TLL2: variants seen among roughly 807,000 people sequenced by gnomAD.
TLL2 encodes tolloid like 2.
A neutral mutation model predicts 123.0 loss-of-function variants in TLL2; 106 were observed. The ratio of observed to expected loss-of-function variants is 0.86; its 90% CI spans 0.74 to 1.01. The LOEUF (loss-of-function observed/expected upper bound fraction) is 1.01, where lower values mean the gene tolerates loss of function less well. Among genes scored for constraint, TLL2 ranks in the 50% least tolerant of loss-of-function variants. The pLI is 0.00. For synonymous variants in TLL2, 494 were observed against 516.8 expected (o/e 0.96, Z 0.60); for missense variants, 1,332 against 1,336.7 (o/e 1.00, Z 0.06).
chr10:96,433,403 T>C (rs966917690), intron 3 of TLL2, among the ~76,000 whole-genome samples: 1 of 152,190 alleles, frequency 6.6e-6, no homozygotes, highest in South Asian at 2.1e-4. Context: ...TGAACCTGTC[T>C]GTGAAACTGG....
chr10:96,376,855 G>T (rs376779370), intron 17 of TLL2, 36 bp from the exon 18 acceptor site: 2 of 1,487,832 alleles, frequency 1.3e-6, no homozygotes, highest in Middle Eastern at 1.9e-4. Flanking sequence ...AAAGAGAGAA[G>T]TCATTCACTG....
chr10:96,419,097 C>T (rs1020905780), intron 7 of TLL2, among the ~76,000 whole-genome samples: 1 of 152,112 alleles, frequency 6.6e-6, no homozygotes, highest in Non-Finnish European at 1.5e-5. Context: ...CATTGCCTCC[C>T]CCTTGGATAT....
In TLL2 at chr10:96,513,890, C is replaced by A; in HGVS notation, c.-205G>T. 1 of 553,232 alleles carries A rather than the reference C, an allele frequency of 1.8e-6. No individual in the cohort carries two copies. 34.3% of individuals were successfully genotyped at this position (553,232 alleles called of 1,614,324 possible). On this transcript the variant is annotated 5_prime_UTR_variant, in exon 1 of 21. Coordinates refer to ENST00000357947, the MANE Select transcript of TLL2 (RefSeq NM_012465.4). ...ACCGGGAAGCAGCCGCTCGGAGCTA[C>A]TTGCCCGGCGGCCGAGGCTGCGGCG...
intron 2 of TLL2, among the ~76,000 whole-genome samples, chr10:96,451,971 A>C (rs1268913630): frequency 1.3e-5 from 2 of 152,206 alleles, no homozygotes; most frequent in Non-Finnish European, 2.9e-5. Context: ...GCAGTGCTTT[A>C]CTTTAAGAAA....
chr10:96,513,407 G>C, intron 1 of TLL2, 104 bp downstream of exon 1: 6 of 1,447,882 alleles, frequency 4.1e-6, no homozygotes, highest in Non-Finnish European at 5.6e-6. Flanking sequence ...CTCAGGGGAG[G>C]GGAGGGGAGA....
At position 96,505,863 on chromosome 10, in the gene TLL2, G is replaced by A. The variant is rs527438499; in HGVS notation, c.175+7648C>T. 8.9e-4 allele frequency among the ~76,000 whole-genome samples: 136 copies of A among 152,252 alleles called. 1 individual carries two copies. Among genetic ancestry groups the A allele is most frequent in the African/African-American group, 3.2e-3 (134 of 41,552 alleles). On this transcript the variant is annotated intron_variant, in intron 1 of 20. Coordinates refer to ENST00000357947, the MANE Select transcript of TLL2 (RefSeq NM_012465.4). Reference sequence around the variant, plus strand: ...TGGTACCAAGTGCCTTCATATACAAGCCTGTTAATCAGAGTTTCTATTAAC... The same window carrying A: ...TGGTACCAAGTGCCTTCATATACAAACCTGTTAATCAGAGTTTCTATTAAC...
chr10:96,470,739 C>G (rs114061265), intron 2 of TLL2, among the ~76,000 whole-genome samples: 2,147 of 152,322 alleles, frequency 0.014, 55 homozygotes, highest in African/African-American at 0.048. Context: ...TGTATGCTCA[C>G]CAACAGCTTA....
chr10:96,397,143 C>A, intron 11 of TLL2, 43 bp downstream of exon 11: 1 of 1,553,630 alleles, frequency 6.4e-7, no homozygotes, highest in African/African-American at 1.4e-5. Context: ...AAGGACAGAG[C>A]TTATGAGGGG....
At chr10:96,474,096 C>A (rs965872433) in intron 2 of TLL2, among the ~76,000 whole-genome samples, 2 of 152,154 alleles carry the variant, frequency 1.3e-5, no homozygotes, top group Admixed American at 1.3e-4. Flanking sequence ...AATTCAAGGG[C>A]CCCATTCATA....
intron 1 of TLL2, among the ~76,000 whole-genome samples, chr10:96,504,918 G>GA (rs1244140788): frequency 6.6e-6 from 1 of 152,256 alleles, no homozygotes; most frequent in African/African-American, 2.4e-5. Context: ...TGAGGCAGGA[G>GA]AATGGCGTGA....
rs540253053 is a variant in TLL2 at position 96,463,227 on chromosome 10, G to A, written c.287-17059C>T. On this transcript the variant is annotated intron_variant, in intron 2 of 20. Coordinates refer to ENST00000357947, the MANE Select transcript of TLL2 (RefSeq NM_012465.4). ...AAGCCAGCACTGATGGGCTTCTTAC[G>A]GTCATGTCTTCCGAGGCATTGAGCC... Among the ~76,000 whole-genome samples the A allele has an allele frequency of 1.2e-4, 19 of 152,302 alleles. No homozygotes were observed. The East Asian group carries it at 3.3e-3, about 26-fold the overall frequency.
chr10:96,505,489 G>A (rs780126643), intron 1 of TLL2, among the ~76,000 whole-genome samples: 14 of 152,244 alleles, frequency 9.2e-5, no homozygotes, highest in Non-Finnish European at 1.6e-4. Flanking sequence ...TGCTTACCAT[G>A]TTCAGACATG....
chr10:96,409,384 G>A (rs1194090392), intron 9 of TLL2, among the ~76,000 whole-genome samples: 1 of 152,178 alleles, frequency 6.6e-6, no homozygotes, highest in African/African-American at 2.4e-5. Flanking sequence ...GACACTGGGG[G>A]TATCCCCTAA....
At chr10:96,395,841 G>C (rs758451141) in intron 12 of TLL2, 34 bp downstream of exon 12, 4 of 1,606,598 alleles carry the variant, frequency 2.5e-6, no homozygotes, top group Non-Finnish European at 3.4e-6. Context: ...AAAAGTTGCC[G>C]TTTCCTTGGG....
chr10:96,379,150 G>A lies in TLL2; in HGVS notation c.2195-58C>T, dbSNP rs1223408011. On this transcript the variant is annotated intron_variant, in intron 16 of 20. Coordinates refer to ENST00000357947, the MANE Select transcript of TLL2 (RefSeq NM_012465.4). ...CCGCCAACTTGCAAATGTCCCTCAG[G>A]GCTCAGAATCCCACTTAAAAGTGGC... 4 of 1,580,834 alleles carry A rather than the reference G, an allele frequency of 2.5e-6. No individual in the cohort carries two copies. In the Admixed American group the frequency reaches 6.7e-5, roughly 27 times the overall value.
intron 2 of TLL2, among the ~76,000 whole-genome samples, chr10:96,463,293 G>A (rs1477606964): frequency 1.3e-5 from 2 of 152,156 alleles, no homozygotes; most frequent in South Asian, 2.1e-4. Context: ...GCAAACGAAC[G>A]CAGCAAACGA....
chr10:96,427,229 A>G (rs1407805510), intron 5 of TLL2, among the ~76,000 whole-genome samples: 1 of 152,198 alleles, frequency 6.6e-6, no homozygotes, highest in African/African-American at 2.4e-5. Flanking sequence ...TCTTAATGCT[A>G]TTTCTGCCTT....
intron 1 of TLL2, among the ~76,000 whole-genome samples, chr10:96,488,989 C>T (rs1847385065): frequency 6.6e-6 from 1 of 152,202 alleles, no homozygotes; most frequent in African/African-American, 2.4e-5. Flanking sequence ...TGTGTGTCTT[C>T]AGAGAGAAGA....
intron 2 of TLL2, among the ~76,000 whole-genome samples, chr10:96,476,241 T>TATATACA (rs1554939631): frequency 1.4e-5 from 1 of 72,410 alleles, no homozygotes. Context: ...TATATATATA[T>TATATACA]TTTATTTTTG....
Sources: gnomAD v4.1 joint callset for allele counts (sites outside exome capture counted in the v4.1 genomes callset) on GRCh38, gnomAD v4.1.1 for gene constraint, MANE v1.5 for transcripts, NCBI Gene and HGNC (gene_info 2026-07-23, HGNC 2026-07-21) for gene names.